RMDN3: variants seen among roughly 807,000 people sequenced by gnomAD.
RMDN3 encodes regulator of microtubule dynamics 3.
Under a neutral mutation model 61.8 loss-of-function variants are expected in RMDN3, and 41 were observed. The ratio of observed to expected loss-of-function variants is 0.66; its 90% CI spans 0.52 to 0.86. The LOEUF is 0.86. RMDN3 is among the 40% of genes least tolerant of loss of function. The pLI, the probability that RMDN3 is intolerant of heterozygous loss-of-function variation, is 0.00. For synonymous variants in RMDN3, 247 were observed against 232.0 expected (o/e 1.06, Z -0.59); for missense variants, 557 against 585.3 (o/e 0.95, Z 0.50).
chr15:40,751,185 TATATC>T (rs1193197966), intron 4 of RMDN3, among the ~76,000 whole-genome samples: 4 of 152,170 alleles, frequency 2.6e-5, no homozygotes, highest in African/African-American at 7.2e-5. Context: ...GCCCAAATAA[TATATC>T]ATAACTATGT....
Position 40,745,766 on chromosome 15 carries a change from A to C in RMDN3, c.525-507T>G, listed in dbSNP as rs540491191. 5.9e-5 allele frequency among the ~76,000 whole-genome samples: 9 copies of C among 152,312 alleles called. No homozygotes were observed. The South Asian group carries it at 1.9e-3, about 32-fold the overall frequency. ...AACCAGCTGAGGCCCTGTGACAGTT[A>C]AGGCAAATGTGAGAAGTCCCTGCTC... On this transcript the variant is annotated intron_variant, in intron 4 of 12. Transcript: ENST00000338376.
chr15:40,741,151 T>TC lies in RMDN3; in HGVS notation c.911-959dup, dbSNP rs1371767834. Among the ~76,000 whole-genome samples, 23 of 152,082 alleles carry TC rather than the reference T, an allele frequency of 1.5e-4. No individual in the cohort carries two copies. In the East Asian group the frequency reaches 2.1e-3, roughly 14 times the overall value. ...CAGACCTTACTCTGGAGGGGCAGTG[T>TC]CCATGAATCTCAAGTTGTATAAAAT... On this transcript the variant is annotated intron_variant, in intron 6 of 12. Coordinates refer to ENST00000338376, the MANE Select transcript of RMDN3 (RefSeq NM_018145.3).
Position 40,737,186 on chromosome 15 carries a change from T to C in RMDN3, c.1297A>G (p.Lys433Glu). The C allele has an allele frequency of 6.2e-7, 1 of 1,614,206 alleles. No individual in the cohort carries two copies. Among genetic ancestry groups the C allele is most frequent in the Non-Finnish European group, 8.5e-7 (1 of 1,180,026 alleles). Residue 433 changes from lysine to glutamate, a missense_variant, in exon 12 of 13, where the codon AAA (lysine) becomes GAA (glutamate). By Grantham distance (56) the Lys-to-Glu change is moderately conservative. Coordinates refer to ENST00000338376, the MANE Select transcript of RMDN3 (RefSeq NM_018145.3). ...ATCCACCATCTAGCTTCAGAGTTTT[T>C]CCCTAGTTCTCTGTAGCACTGAAAA... is the stretch of plus-strand genomic sequence containing the variant. ...YISKCYRELG[K>E]NSEARWWMKL...
At chr15:40,737,265 T>C (rs1315709338) in intron 11 of RMDN3, 23 bp downstream of exon 11, 2 of 1,613,212 alleles carry the variant, frequency 1.2e-6, no homozygotes, top group African/African-American at 1.3e-5. Context: ...CAGATCTATG[T>C]TGAAGTAGAC....
chr15:40,740,637 CTG>C (rs1257862695), intron 6 of RMDN3, among the ~76,000 whole-genome samples: 3 of 152,132 alleles, frequency 2.0e-5, no homozygotes, highest in African/African-American at 7.2e-5. Context: ...CAGAGCAAGA[CTG>C]TCTCAGAAAA....
chr15:40,737,946 G>C lies in RMDN3; in HGVS notation c.1125+19C>G, dbSNP rs1567061225. 3.1e-6 allele frequency: 5 copies of C among 1,613,140 alleles called. No individual in the cohort carries two copies. In the South Asian group the frequency reaches 5.5e-5, roughly 18 times the overall value. ...AAGGCATTTAGGACCATTATGTCAA[G>C]CACTGAAACGCAGCTTACCTGATAG... On this transcript the variant is annotated intron_variant, in intron 9 of 12. Coordinates refer to ENST00000338376, the MANE Select transcript of RMDN3 (RefSeq NM_018145.3).
chr15:40,744,878 AG>A (rs1897448323), intron 5 of RMDN3, 98 bp downstream of exon 5: 2 of 1,274,542 alleles, frequency 1.6e-6, no homozygotes, highest in African/African-American at 3.0e-5. Flanking sequence ...GTCACCTTGT[AG>A]GGGCAGTAAC....
At position 40,738,671 on chromosome 15, in the gene RMDN3, T is replaced by TCCAA. The variant is rs372837696; in HGVS notation, c.972-96_972-95insTTGG. ...CACAGCCTAGTTGCATTGTCCCCTA[T>TCCAA]CCCTGTACCCTCAACTAGAGCTGAA... On this transcript the variant is annotated intron_variant, in intron 7 of 12. Coordinates refer to ENST00000338376, the MANE Select transcript of RMDN3 (RefSeq NM_018145.3). 76 of 1,157,622 alleles carry TCCAA rather than the reference T, an allele frequency of 6.6e-5. No individual in the cohort carries two copies. The African/African-American group carries it at 1.1e-3, about 16-fold the overall frequency. The allele number at this position is 1,157,622 out of a possible 1,614,324, so 71.7% of individuals were successfully genotyped here. A position where few individuals can be genotyped will look rare whatever the true frequency, so the allele number is the denominator to read the frequency against.
At position 40,745,175 on chromosome 15, in the gene RMDN3, C is replaced by T. The variant is rs954180508; in HGVS notation, c.609G>A (p.Glu203=). The stretch of plus-strand genomic sequence containing the variant: ...AATCCTTTCTCCCCATCTTCACAGT[C>T]TCACAGCTCACTTCATCTTCCCCGT... ...SEDGEDEVSC[E]TVKMGRKDSL... is the part of the protein sequence containing the mutation. Residue 203 remains glutamate, a synonymous_variant, in exon 5 of 13, where the codon GAG becomes GAA. Coordinates refer to ENST00000338376, the MANE Select transcript of RMDN3 (RefSeq NM_018145.3). 5 of 1,614,044 alleles carry T rather than the reference C, an allele frequency of 3.1e-6. No homozygotes were observed. The Admixed American group carries it at 8.3e-5, about 27-fold the overall frequency.
Position 40,751,410 on chromosome 15 carries a change from AAG to A in RMDN3, c.524+14_524+15del. 1.2e-6 allele frequency: 2 copies of A among 1,613,038 alleles called. No homozygotes were observed. Among genetic ancestry groups the A allele is most frequent in the Non-Finnish European group, 1.7e-6 (2 of 1,179,060 alleles). ...CCTGGCTGTAGCCATAACTGCCTCC[AAG>A]AGAGACAACTCACCCCCCTTCACTC... On this transcript the variant is annotated intron_variant, in intron 4 of 12. Transcript: ENST00000338376.
chr15:40,745,287 G>C (rs762220979), intron 4 of RMDN3, 28 bp from the exon 5 acceptor site: 4 of 1,607,608 alleles, frequency 2.5e-6, no homozygotes, highest in Non-Finnish European at 3.4e-6. Flanking sequence ...GGGACAACAA[G>C]AGGATTATTC....
rs137881723 is a variant in RMDN3 at position 40,754,657 on chromosome 15, G to C, written c.127C>G (p.Arg43Gly). The C allele has an allele frequency of 1.9e-6, 3 of 1,613,994 alleles. No individual in the cohort carries two copies. Among genetic ancestry groups the C allele is most frequent in the African/African-American group, 2.7e-5 (2 of 74,898 alleles). Reference sequence around the variant, plus strand: ...AGGGAGTTGGGCAGGCTCTGGCTGCGGCCATGACGCTGGGTCCGTTTCCAT... The same window carrying C: ...AGGGAGTTGGGCAGGCTCTGGCTGCCGCCATGACGCTGGGTCCGTTTCCAT... ...QRWKRTQRHGRSQSLPNSLDY... is the reference protein window; with the variant it reads ...QRWKRTQRHGGSQSLPNSLDY... Residue 43 changes from arginine (R) to glycine (G), a missense_variant, in exon 2 of 13, where the codon CGC becomes GGC. Coordinates refer to ENST00000338376, the MANE Select transcript of RMDN3 (RefSeq NM_018145.3).
Position 40,751,566 on chromosome 15 carries a change from G to T in RMDN3, c.384C>A (p.Cys128Ter). ...CCACTCTCTGGTTCTCTTCCATGTGGCATCTGGAAAGCAGGCCCCATCCCG... is the reference window on the plus strand; with the variant it reads ...CCACTCTCTGGTTCTCTTCCATGTGTCATCTGGAAAGCAGGCCCCATCCCG... ...LAGEIVGEVR[C>*]HMEENQRVAR... The change falls in exon 4 of 13, where the codon TGC (cysteine) becomes TGA (stop). Residue 128 changes from cysteine (C) to a stop codon, truncating the protein, a stop_gained. Transcript: ENST00000338376. LOFTEE classifies it high-confidence loss of function. The T allele has an allele frequency of 5.6e-6, 9 of 1,614,148 alleles. No homozygotes were observed. The highest frequency in any genetic ancestry group is 7.6e-6 in the Non-Finnish European group (9 of 1,180,034).
At chr15:40,738,858 C>G in intron 7 of RMDN3, 1 of 469,646 alleles carries the variant, frequency 2.1e-6, no homozygotes, top group Non-Finnish European at 3.8e-6. Context: ...CAGTAAATCT[C>G]TCCTACACTC....
rs369519759 is a variant in RMDN3, at chr15:40,754,668, T to C, written c.116A>G (p.Gln39Arg). ...CAGGCTCTGGCTGCGGCCATGACGC[T>C]GGGTCCGTTTCCATCGCTGGCTGTA... ...LLYSQRWKRT[Q>R]RHGRSQSLPN... The change falls in exon 2 of 13, where the codon CAG becomes CGG. Residue 39 changes from glutamine to arginine, a missense_variant. Coordinates refer to ENST00000338376, the MANE Select transcript of RMDN3 (RefSeq NM_018145.3). 2.5e-6 allele frequency: 4 copies of C among 1,614,126 alleles called. No individual in the cohort carries two copies. The African/African-American group carries it at 4.0e-5, about 16-fold the overall frequency.
At chr15:40,744,502 G>GC (rs1897424475) in intron 5 of RMDN3, among the ~76,000 whole-genome samples, 3 of 150,004 alleles carry the variant, frequency 2.0e-5, no homozygotes, top group Admixed American at 6.6e-5. Context: ...CTAACTTCTG[G>GC]GGGGGGGGCA....
intron 11 of RMDN3, 31 bp from the exon 12 acceptor site, chr15:40,737,235 T>G (rs1897091357): frequency 6.2e-7 from 1 of 1,612,482 alleles, no homozygotes; most frequent in Admixed American, 1.7e-5. Flanking sequence ...AACCTGATAC[T>G]GTGTACTTTC....
intron 5 of RMDN3, 93 bp from the exon 6 acceptor site, chr15:40,744,242 C>A: frequency 8.5e-7 from 1 of 1,178,550 alleles, no homozygotes; most frequent in Non-Finnish European, 1.2e-6. Flanking sequence ...GTTTGAATTT[C>A]CAAGCTAGTA....
chr15:40,743,246 C>A (rs1224633479), intron 6 of RMDN3, among the ~76,000 whole-genome samples: 2 of 152,022 alleles, frequency 1.3e-5, no homozygotes, highest in Non-Finnish European at 2.9e-5. Context: ...CATGGCGAAA[C>A]CCCATCTCTG....
Sources: gnomAD v4.1 joint callset for allele counts (sites outside exome capture counted in the v4.1 genomes callset) on GRCh38, gnomAD v4.1.1 for gene constraint, MANE v1.5 for transcripts, NCBI Gene and HGNC (gene_info 2026-07-23, HGNC 2026-07-21) for gene names.